The following MAD1L1 variants were observed in gnomAD, a reference collection of about 807,000 sequenced individuals.
MAD1L1 encodes the protein mitotic arrest deficient 1 like 1.
A neutral mutation model predicts 96.9 loss-of-function variants in MAD1L1; 95 were observed. That is an observed-to-expected ratio of 0.98 (90% confidence interval 0.83 to 1.16). The LOEUF (loss-of-function observed/expected upper bound fraction) is 1.16. Ranked by LOEUF, MAD1L1 falls within the 50% of genes most tolerant of loss-of-function variation. The probability of loss-of-function intolerance (pLI) is 0.00; values close to 1 mark genes in which losing one functional copy is unlikely to be tolerated. For missense variants in MAD1L1, 1,007 were observed against 954.4 expected (o/e 1.06, Z -0.73); for synonymous variants, 473 against 396.6 (o/e 1.19, Z -2.29).
chr7:2,183,134 GC>G (rs1791282938), intron 10 of MAD1L1, among the ~76,000 whole-genome samples: 1 of 151,626 alleles, frequency 6.6e-6, no homozygotes, highest in African/African-American at 2.4e-5. Flanking sequence ...GATCACTTGA[GC>G]CCAGGAGTTA....
intron 17 of MAD1L1, among the ~76,000 whole-genome samples, chr7:1,919,523 T>C (rs558561846): frequency 6.6e-6 from 1 of 152,374 alleles, no homozygotes; most frequent in Admixed American, 6.5e-5. Context: ...GCCACTTTTG[T>C]TTCTCTACCC....
In MAD1L1 at chr7:1,916,158, T is replaced by C. The variant is rs532490634; in HGVS notation, c.1808-17768A>G. On this transcript the variant is annotated intron_variant, in intron 17 of 18. Coordinates refer to ENST00000265854, the MANE Select transcript of MAD1L1 (RefSeq NM_001013836.2). ...AGAGATGCCACCAACACCGGGAGGG[T>C]GTGGGGCCCCTGGAGCCTCACGTGG... is the stretch of plus-strand genomic sequence containing the variant. 9.2e-5 allele frequency among the ~76,000 whole-genome samples: 14 copies of C among 152,160 alleles called. No homozygotes were observed. The East Asian group carries it at 1.4e-3, about 15-fold the overall frequency.
rs1229931961 is a variant in MAD1L1, at chr7:1,974,492, CT to C, written c.1505+5960del. 4.6e-5 allele frequency among the ~76,000 whole-genome samples: 7 copies of C among 152,134 alleles called. No individual in the cohort carries two copies. The East Asian group carries it at 1.3e-3, about 29-fold the overall frequency. ...TGCACTCATGAACACTGACAGGATG[CT>C]TTATACATAAAAGAATCCTCAGAGA... On this transcript the variant is annotated intron_variant, in intron 15 of 18. Transcript: ENST00000265854.
intron 18 of MAD1L1, among the ~76,000 whole-genome samples, chr7:1,861,228 G>A (rs948703203): frequency 6.6e-6 from 1 of 152,212 alleles, no homozygotes; most frequent in African/African-American, 2.4e-5. Flanking sequence ...GAGCAGGGCA[G>A]GTGCTGGGTC....
At position 2,144,213 on chromosome 7, in the gene MAD1L1, C is replaced by A. The variant is rs117572582; in HGVS notation, c.1073+4939G>T. On this transcript the variant is annotated intron_variant, in intron 11 of 18. Transcript: ENST00000265854. The stretch of plus-strand genomic sequence containing the variant: ...GCAAAAGAGGGAATCATAAGAGCTT[C>A]CAGCTGGGAGCGTCTGTGAGGCTCA... Among the ~76,000 whole-genome samples, 365 of 152,328 alleles carry A rather than the reference C, an allele frequency of 2.4e-3. 1 individual carries two copies. Among genetic ancestry groups the A allele is most frequent in the South Asian group, 8.3e-3 (40 of 4,830 alleles).
chr7:2,120,544 C>T (rs1193887761), intron 11 of MAD1L1, among the ~76,000 whole-genome samples: 3 of 152,218 alleles, frequency 2.0e-5, no homozygotes, highest in African/African-American at 4.8e-5. Context: ...ACACCCAGGG[C>T]GCTGCCTTCT....
chr7:1,873,005 T>A (rs1785187979), intron 18 of MAD1L1, among the ~76,000 whole-genome samples: 1 of 152,104 alleles, frequency 6.6e-6, no homozygotes, highest in South Asian at 2.1e-4. Flanking sequence ...GGGGACTTTA[T>A]CCCCAGGTGA....
intron 10 of MAD1L1, among the ~76,000 whole-genome samples, chr7:2,206,716 G>A (rs781733293): frequency 1.3e-5 from 2 of 152,218 alleles, no homozygotes; most frequent in Non-Finnish European, 2.9e-5. Flanking sequence ...AGTGTAAGCT[G>A]TATAACTTGT....
intron 17 of MAD1L1, among the ~76,000 whole-genome samples, chr7:1,910,103 C>T (rs1186163180): frequency 2.6e-5 from 4 of 152,258 alleles, no homozygotes; most frequent in South Asian, 2.1e-4. Context: ...GGGTGACAGG[C>T]GGGCGCGGAT....
chr7:2,221,176 C>T (rs569215324), intron 5 of MAD1L1, among the ~76,000 whole-genome samples: 8 of 152,344 alleles, frequency 5.3e-5, no homozygotes, highest in Admixed American at 2.6e-4. Context: ...CACCGCCCTG[C>T]GGCTCCTGCA....
chr7:1,900,735 A>C (rs1450370702), intron 17 of MAD1L1, among the ~76,000 whole-genome samples: 1 of 151,986 alleles, frequency 6.6e-6, no homozygotes, highest in Non-Finnish European at 1.5e-5. Context: ...TCAGGCGTCC[A>C]AAGGGGAAGA....
intron 18 of MAD1L1, 81 bp from the exon 19 acceptor site, chr7:1,816,309 C>G (rs1424725277): frequency 1.4e-6 from 2 of 1,428,390 alleles, no homozygotes; most frequent in African/African-American, 2.8e-5. Flanking sequence ...TACACAGCCC[C>G]TCCAGCCATG....
At chr7:2,006,860 C>G (rs1011232570) in intron 13 of MAD1L1, among the ~76,000 whole-genome samples, 3 of 152,164 alleles carry the variant, frequency 2.0e-5, no homozygotes, top group Non-Finnish European at 2.9e-5. Context: ...TCCTTCTGGA[C>G]AAGCTGTAGG....
At chr7:2,067,946 G>A (rs61338383) in intron 12 of MAD1L1, among the ~76,000 whole-genome samples, 12,453 of 152,274 alleles carry the variant, frequency 0.082, 1,645 homozygotes, top group African/African-American at 0.28. Flanking sequence ...TCCACGCCAC[G>A]TGCACCTCAC....
intron 12 of MAD1L1, among the ~76,000 whole-genome samples, chr7:2,046,888 C>G (rs1372933064): frequency 6.6e-6 from 1 of 152,200 alleles, no homozygotes; most frequent in African/African-American, 2.4e-5. Flanking sequence ...CAGTGCCCGG[C>G]CCCCTGTCCC....
At chr7:2,011,008 C>T (rs377598758) in intron 13 of MAD1L1, among the ~76,000 whole-genome samples, 13 of 151,596 alleles carry the variant, frequency 8.6e-5, no homozygotes, top group African/African-American at 2.2e-4. Flanking sequence ...GAAAAGGAGA[C>T]GGGAAACAGA....
intron 15 of MAD1L1, among the ~76,000 whole-genome samples, chr7:1,977,913 G>A (rs989560723): frequency 2.0e-5 from 3 of 152,262 alleles, no homozygotes; most frequent in African/African-American, 7.2e-5. Context: ...CAACTCCCCA[G>A]ATTTAAGAAC....
At chr7:2,014,355 C>T (rs530389135) in intron 13 of MAD1L1, 147 bp downstream of exon 13, 14 of 1,019,890 alleles carry the variant, frequency 1.4e-5, no homozygotes, top group African/African-American at 9.8e-5. Context: ...GGAAGCAGCC[C>T]GTGGACACCC....
At chr7:1,932,921 CA>C (rs1253329784) in intron 17 of MAD1L1, among the ~76,000 whole-genome samples, 1 of 152,212 alleles carries the variant, frequency 6.6e-6, no homozygotes, top group Non-Finnish European at 1.5e-5. Context: ...CGTTACTTTA[CA>C]AATCTTCTTA....
Sources: gnomAD v4.1 joint callset for allele counts (sites outside exome capture counted in the v4.1 genomes callset) on GRCh38, gnomAD v4.1.1 for gene constraint, MANE v1.5 for transcripts, NCBI Gene and HGNC (gene_info 2026-07-23, HGNC 2026-07-21) for gene names.